Variants in PARD3B observed in about 807,000 individuals in gnomAD.
The protein encoded by PARD3B is par-3 family cell polarity regulator beta, also known as partitioning defective 3 homolog B.
Under a neutral mutation model 130.2 loss-of-function variants are expected in PARD3B, and 103 were observed. That is an observed-to-expected ratio of 0.79 (90% CI 0.67 to 0.93). PARD3B has a LOEUF of 0.93. PARD3B is among the 40% of genes least tolerant of loss of function. The pLI is 0.00. For missense variants in PARD3B, 1,609 were observed against 1,499.2 expected (o/e 1.07, Z -1.21); for synonymous variants, 583 against 553.2 (o/e 1.05, Z -0.76).
chr2:204,685,907 G>A (rs908542683), intron 1 of PARD3B, among the ~76,000 whole-genome samples: 1 of 152,094 alleles, frequency 6.6e-6, no homozygotes, highest in African/African-American at 2.4e-5. Context: ...AAAATTCCCT[G>A]AGTATGTTTT....
intron 18 of PARD3B, among the ~76,000 whole-genome samples, chr2:205,343,587 C>T (rs1354096769): frequency 6.6e-6 from 1 of 152,152 alleles, no homozygotes; most frequent in South Asian, 2.1e-4. Flanking sequence ...TAACTTTAGG[C>T]AAGTAACATA....
intron 5 of PARD3B, among the ~76,000 whole-genome samples, chr2:205,109,949 T>C (rs1703507869): frequency 2.0e-5 from 3 of 152,072 alleles, no homozygotes; most frequent in Non-Finnish European, 4.4e-5. Flanking sequence ...CCAACGCGCC[T>C]GGCCAGGAAT....
Position 205,116,555 on chromosome 2 carries a change from G to A in PARD3B, c.681-2366G>A, listed in dbSNP as rs749920849. On this transcript the variant is annotated intron_variant, in intron 6 of 22. Coordinates refer to ENST00000406610, the MANE Select transcript of PARD3B (RefSeq NM_001302769.2). This position sits in a 1 kb window ranked among gnomAD's most constrained non-coding sequence, Gnocchi z 4.5. The stretch of plus-strand genomic sequence containing the variant: ...TAATGCAAATTAACTGGTTAGTCTC[G>A]GCCTATAACTCCTCGACAGCATTAA... Among the ~76,000 whole-genome samples the A allele has an allele frequency of 3.9e-5, 6 of 152,076 alleles. No homozygotes were observed. Among genetic ancestry groups the A allele is most frequent in the South Asian group, 2.1e-4 (1 of 4,824 alleles).
Position 205,241,146 on chromosome 2 carries a change from AG to A in PARD3B, c.2141-4630del, listed in dbSNP as rs768412771. Among the ~76,000 whole-genome samples the A allele has an allele frequency of 2.6e-5, 4 of 152,222 alleles. No homozygotes were observed. The highest frequency in any genetic ancestry group is 5.9e-5 in the Non-Finnish European group (4 of 68,024). ...TTACAACCATGAGAATTAGAAACAT[AG>A]GCCATCAGGCTGCTGTTTCTCAAAC... On this transcript the variant is annotated intron_variant, in intron 15 of 22. Coordinates refer to ENST00000406610, the MANE Select transcript of PARD3B (RefSeq NM_001302769.2). This position sits in a 1 kb window ranked among gnomAD's most constrained non-coding sequence, Gnocchi z 4.2.
At position 205,440,061 on chromosome 2, in the gene PARD3B, T is replaced by A. The variant is rs149668289; in HGVS notation, c.2742-309T>A. 6.6e-6 allele frequency among the ~76,000 whole-genome samples: 1 copy of A among 152,272 alleles called. No individual in the cohort carries two copies. Among genetic ancestry groups the A allele is most frequent in the Non-Finnish European group, 1.5e-5 (1 of 68,024 alleles). On this transcript the variant is annotated intron_variant, in intron 19 of 22. Coordinates refer to ENST00000406610, the MANE Select transcript of PARD3B (RefSeq NM_001302769.2). The surrounding 1 kb of genome is among the most constrained non-coding windows in gnomAD (Gnocchi z 4.2). ...AAGATGCACTGTTCCCACAAGCACA[T>A]GCCATCTGTGGGGAGGGAATGTGAA... is the stretch of plus-strand genomic sequence containing the variant.
intron 4 of PARD3B, among the ~76,000 whole-genome samples, chr2:205,089,158 T>C (rs13024496): frequency 3.5e-5 from 5 of 144,274 alleles, no homozygotes; most frequent in South Asian, 2.3e-4. Context: ...TTTTTTTTTT[T>C]CTTTTTTTCT....
At position 205,615,869 on chromosome 2, in the gene PARD3B, GC is replaced by G; in HGVS notation, c.*59del. The stretch of plus-strand genomic sequence containing the variant: ...AAAGGAAGGTGTCTACTCTACCTTT[GC>G]CCTTTCTAAACCTGAAGACCTCCTT... On this transcript the variant is annotated 3_prime_UTR_variant, in exon 23 of 23. Coordinates refer to ENST00000406610, the MANE Select transcript of PARD3B (RefSeq NM_001302769.2). The G allele has an allele frequency of 6.9e-7, 1 of 1,448,488 alleles. No individual in the cohort carries two copies. 89.7% of individuals were successfully genotyped at this position (1,448,488 alleles called of 1,614,324 possible).
rs1318885817 is a variant in PARD3B at position 205,146,178 on chromosome 2, T to C, written c.1435-12544T>C. 6.6e-6 allele frequency among the ~76,000 whole-genome samples: 1 copy of C among 152,232 alleles called. No individual in the cohort carries two copies. Among genetic ancestry groups the C allele is most frequent in the East Asian group, 1.9e-4 (1 of 5,184 alleles). On this transcript the variant is annotated intron_variant, in intron 10 of 22. Coordinates refer to ENST00000406610, the MANE Select transcript of PARD3B (RefSeq NM_001302769.2). The surrounding 1 kb of genome is among the most constrained non-coding windows in gnomAD (Gnocchi z 4.3). ...TAATGAGATGCTCTGTACTGTCATTTATGTTTCATTCTTGTCCTTGATGTT... is the reference window on the plus strand; with the variant it reads ...TAATGAGATGCTCTGTACTGTCATTCATGTTTCATTCTTGTCCTTGATGTT...
chr2:204,608,156 G>A (rs911195512), intron 1 of PARD3B, among the ~76,000 whole-genome samples: 6 of 152,098 alleles, frequency 3.9e-5, no homozygotes, highest in Non-Finnish European at 7.4e-5. Flanking sequence ...CAACAGGGGG[G>A]AATTTGTTTT....
In PARD3B at chr2:205,514,833, CTT is replaced by C. The variant is rs5837976; in HGVS notation, c.3180+14816_3180+14817del. Among the ~76,000 whole-genome samples the C allele has an allele frequency of 5.8e-3, 784 of 135,972 alleles. 5 individuals carry two copies. Among genetic ancestry groups the C allele is most frequent in the African/African-American group, 0.014 (535 of 37,202 alleles). 89.2% of individuals were successfully genotyped at this position (135,972 alleles called of 152,430 possible). A position where few individuals can be genotyped will look rare whatever the true frequency, so the allele number is the denominator to read the frequency against. On this transcript the variant is annotated intron_variant, in intron 21 of 22. Transcript: ENST00000406610. ...TGTTTTTATTATTTTTCTTACAGTT[CTT>C]TTTTTTTTTTTTTACTTTAAGGTTT...
intron 1 of PARD3B, among the ~76,000 whole-genome samples, chr2:204,558,598 G>A (rs184785576): frequency 8.7e-4 from 133 of 152,236 alleles, no homozygotes; most frequent in African/African-American, 2.7e-3. Flanking sequence ...AATCAATATC[G>A]TGAAAATGGC....
At chr2:205,448,696 A>G (rs539523576) in intron 20 of PARD3B, among the ~76,000 whole-genome samples, 2 of 151,772 alleles carry the variant, frequency 1.3e-5, no homozygotes, top group Admixed American at 1.3e-4. Context: ...CAATCCCAGC[A>G]CTCATCACTC....
chr2:205,201,457 G>A (rs2036982380), intron 15 of PARD3B, among the ~76,000 whole-genome samples: 1 of 152,174 alleles, frequency 6.6e-6, no homozygotes, highest in Non-Finnish European at 1.5e-5. Flanking sequence ...ATGAGAAAGA[G>A]ACCATCATAT....
At chr2:204,597,191 T>C (rs1309974024) in intron 1 of PARD3B, among the ~76,000 whole-genome samples, 4 of 152,076 alleles carry the variant, frequency 2.6e-5, no homozygotes, top group Non-Finnish European at 5.9e-5. Context: ...CATTGTTCTG[T>C]GTAATGCTTC....
rs565966491 is a variant in PARD3B, at chr2:205,550,721, G to C, written c.3181-2603G>C. ...TACATTTCATACAATCTTATATGCT[G>C]TTGGGTATATTTCATAGGTGTGTGT... is the stretch of plus-strand genomic sequence containing the variant. On this transcript the variant is annotated intron_variant, in intron 21 of 22. Coordinates refer to ENST00000406610, the MANE Select transcript of PARD3B (RefSeq NM_001302769.2). This position sits in a 1 kb window ranked among gnomAD's most constrained non-coding sequence, Gnocchi z 4.5. Among the ~76,000 whole-genome samples the C allele has an allele frequency of 6.6e-6, 1 of 151,424 alleles. No individual in the cohort carries two copies. The highest frequency in any genetic ancestry group is 2.4e-5 in the African/African-American group (1 of 41,178).
intron 3 of PARD3B, among the ~76,000 whole-genome samples, chr2:205,019,524 A>G (rs1326263842): frequency 6.6e-6 from 1 of 152,170 alleles, no homozygotes; most frequent in Non-Finnish European, 1.5e-5. Flanking sequence ...CTGGGGCCAC[A>G]TGATACCTCT....
intron 3 of PARD3B, among the ~76,000 whole-genome samples, chr2:204,987,032 C>G (rs181973686): frequency 2.0e-4 from 30 of 152,262 alleles, no homozygotes; most frequent in Admixed American, 7.2e-4. Flanking sequence ...AAGGGACTCT[C>G]TCGTGTGGCT....
At chr2:205,517,204 A>C (rs1295393853) in intron 21 of PARD3B, among the ~76,000 whole-genome samples, 1 of 152,130 alleles carries the variant, frequency 6.6e-6, no homozygotes, top group African/African-American at 2.4e-5. Context: ...AGTGTTCATC[A>C]AGGATATTGG....
intron 2 of PARD3B, among the ~76,000 whole-genome samples, chr2:204,934,666 A>G (rs1405693805): frequency 1.3e-5 from 2 of 152,056 alleles, no homozygotes; most frequent in Non-Finnish European, 2.9e-5. Context: ...CTTTTTTATT[A>G]TTAAAATGTT....
Sources: gnomAD v4.1 joint callset for allele counts (sites outside exome capture counted in the v4.1 genomes callset) on GRCh38, gnomAD v4.1.1 for gene constraint, Gnocchi (gnomAD v3.1) non-coding constraint, MANE v1.5 for transcripts, NCBI Gene and HGNC (gene_info 2026-07-23, HGNC 2026-07-21) for gene names.